MAP4K3: variants seen among roughly 807,000 people sequenced by gnomAD.
MAP4K3 encodes the protein mitogen-activated protein kinase kinase kinase kinase 3.
MAP4K3 carries 94 observed loss-of-function variants against 143.5 expected under a neutral mutation model. The observed-to-expected ratio is 0.65, with a 90% confidence interval of 0.55 to 0.78. The LOEUF is 0.78. Ranked by LOEUF, MAP4K3 falls within the 30% of genes least tolerant of loss-of-function variation. The probability of loss-of-function intolerance (pLI) is 0.00; values close to 1 mark genes in which losing one functional copy is unlikely to be tolerated. For synonymous variants in MAP4K3, 416 were observed against 347.2 expected (o/e 1.20, Z -2.20); for missense variants, 1,077 against 1,068.1 (o/e 1.01, Z -0.12).
intron 2 of MAP4K3, among the ~76,000 whole-genome samples, chr2:39,365,364 G>A (rs995400351): frequency 5.9e-5 from 9 of 151,830 alleles, no homozygotes; most frequent in Admixed American, 3.9e-4. Flanking sequence ...AATGCCCTTG[G>A]CTGAGGAGAG....
intron 12 of MAP4K3, among the ~76,000 whole-genome samples, chr2:39,318,740 C>G (rs927466019): frequency 6.6e-6 from 1 of 152,032 alleles, no homozygotes; most frequent in African/African-American, 2.4e-5. Flanking sequence ...CAAAACCCTG[C>G]CCTTACAAAC....
intron 4 of MAP4K3, among the ~76,000 whole-genome samples, chr2:39,340,877 T>A (rs1474442379): frequency 1.3e-5 from 2 of 152,114 alleles, no homozygotes; most frequent in African/African-American, 4.8e-5. Flanking sequence ...AAGATAGATA[T>A]GAGTATCTCC....
intron 33 of MAP4K3, among the ~76,000 whole-genome samples, chr2:39,251,598 T>C (rs773876844): frequency 2.6e-5 from 4 of 152,248 alleles, no homozygotes; most frequent in Non-Finnish European, 2.9e-5. Context: ...GCAAATCAGA[T>C]GTCAGTATGT....
intron 12 of MAP4K3, chr2:39,323,671 T>G (rs751978507): frequency 9.9e-5 from 15 of 151,942 alleles, no homozygotes; most frequent in Non-Finnish European, 1.9e-4. Context: ...TAGAAAGCAA[T>G]ATGACAATTT....
chr2:39,372,528 C>G (rs2148573898), intron 2 of MAP4K3, among the ~76,000 whole-genome samples: 1 of 151,044 alleles, frequency 6.6e-6, no homozygotes, highest in Middle Eastern at 3.5e-3. Context: ...ATCACATTAC[C>G]TGACTTCAAA....
chr2:39,277,605 C>T (rs1490388029), intron 24 of MAP4K3, among the ~76,000 whole-genome samples: 1 of 151,932 alleles, frequency 6.6e-6, no homozygotes, highest in Non-Finnish European at 1.5e-5. Flanking sequence ...ACTTTTGTTG[C>T]CCAGGCTGGA....
chr2:39,376,375 TA>T (rs960394774), intron 2 of MAP4K3, among the ~76,000 whole-genome samples: 1 of 152,244 alleles, frequency 6.6e-6, no homozygotes, highest in Admixed American at 6.5e-5. Context: ...GAATGATTTT[TA>T]TTTTTTTCCT....
chr2:39,275,710 T>C (rs912706446), intron 24 of MAP4K3, among the ~76,000 whole-genome samples: 1 of 152,184 alleles, frequency 6.6e-6, no homozygotes, highest in African/African-American at 2.4e-5. Context: ...TTTTCAGCCA[T>C]TTCACTGTAC....
Position 39,288,243 on chromosome 2 carries a change from G to A in MAP4K3, c.1352C>T (p.Thr451Ile). Residue 451 changes from threonine to isoleucine, a missense_variant, in exon 20 of 34, where the codon ACT becomes ATT. By Grantham distance (89) the Thr-to-Ile change is moderately conservative (BLOSUM62 -1). Around this residue, in one of 2 missense-constraint regions of MAP4K3, gnomAD observed 864 missense variants for 801.2 expected, o/e 1.08. Transcript: ENST00000263881. ...GATTGTTCCTTGATTTTCATCCTCA[G>A]TAGAATGCATTTCCTGTGGTATGAA... ...SIFIPQEMHS[T>I]EDENQGTIKR... 1.9e-6 allele frequency: 3 copies of A among 1,614,046 alleles called. No homozygotes were observed. The highest frequency in any genetic ancestry group is 2.5e-6 in the Non-Finnish European group (3 of 1,179,944).
At chr2:39,284,651 C>T (rs541160019) in intron 21 of MAP4K3, among the ~76,000 whole-genome samples, 99 of 151,852 alleles carry the variant, frequency 6.5e-4, no homozygotes, top group African/African-American at 2.2e-3. Context: ...CGAGACCAGC[C>T]TGACCAACAT....
At chr2:39,251,097 T>A (rs889251981) in intron 33 of MAP4K3, among the ~76,000 whole-genome samples, 1 of 152,214 alleles carries the variant, frequency 6.6e-6, no homozygotes, top group Non-Finnish European at 1.5e-5. Context: ...ACACTGGTAT[T>A]CAGTGAAAGA....
At chr2:39,365,719 C>T (rs1364129905) in intron 2 of MAP4K3, among the ~76,000 whole-genome samples, 1 of 152,084 alleles carries the variant, frequency 6.6e-6, no homozygotes, top group African/African-American at 2.4e-5. Flanking sequence ...GCTGGGATTA[C>T]AGGCGTGAGC....
At chr2:39,314,582 T>C (rs562601820) in intron 13 of MAP4K3, among the ~76,000 whole-genome samples, 1 of 152,186 alleles carries the variant, frequency 6.6e-6, no homozygotes, top group Non-Finnish European at 1.5e-5. Context: ...CCCACCATAC[T>C]TTCCAGGTAT....
chr2:39,409,042 T>C (rs1667168588), intron 1 of MAP4K3, among the ~76,000 whole-genome samples: 1 of 152,182 alleles, frequency 6.6e-6, no homozygotes, highest in Admixed American at 6.5e-5. Flanking sequence ...GCCTCTTCTG[T>C]CTTTCCTTTC....
chr2:39,272,935 T>C (rs1287479610), intron 24 of MAP4K3, among the ~76,000 whole-genome samples: 1 of 151,998 alleles, frequency 6.6e-6, no homozygotes, highest in Non-Finnish European at 1.5e-5. Flanking sequence ...ACAATATGCA[T>C]TCTAGGGTGT....
At chr2:39,320,329 T>C (rs1031751930) in intron 12 of MAP4K3, among the ~76,000 whole-genome samples, 1 of 152,192 alleles carries the variant, frequency 6.6e-6, no homozygotes, top group Non-Finnish European at 1.5e-5. Context: ...AATGAAATAA[T>C]GCTAAAGGCA....
chr2:39,420,708 C>T (rs947266340), intron 1 of MAP4K3, among the ~76,000 whole-genome samples: 4 of 151,990 alleles, frequency 2.6e-5, no homozygotes, highest in African/African-American at 7.3e-5. Flanking sequence ...ACATCATGCC[C>T]GGCCGCCATG....
chr2:39,350,500 G>A (rs1234051239), intron 3 of MAP4K3, among the ~76,000 whole-genome samples: 3 of 152,146 alleles, frequency 2.0e-5, no homozygotes, highest in African/African-American at 7.2e-5. Context: ...GGTATAAAGT[G>A]ACTTAACTGT....
At chr2:39,364,010 A>G (rs576610041) in intron 2 of MAP4K3, among the ~76,000 whole-genome samples, 3,185 of 150,366 alleles carry the variant, frequency 0.021, 117 homozygotes, top group African/African-American at 0.074. Context: ...AAAAAAAAAA[A>G]GAAGACAATA....
Sources: gnomAD v4.1 joint callset for allele counts (sites outside exome capture counted in the v4.1 genomes callset) on GRCh38, gnomAD v4.1.1 for gene constraint, gnomAD v4.1.1 regional missense constraint, MANE v1.5 for transcripts, NCBI Gene and HGNC (gene_info 2026-07-23, HGNC 2026-07-21) for gene names.